FBN1: variants seen among roughly 807,000 people sequenced by gnomAD.
The protein encoded by FBN1 is fibrillin 1.
FBN1 carries 29 observed loss-of-function variants against 365.1 expected under a neutral mutation model. The ratio of observed to expected loss-of-function variants is 0.08; its 90% CI spans 0.06 to 0.11. FBN1 has a LOEUF of 0.11. FBN1 is among the 10% of genes least tolerant of loss of function. The probability of loss-of-function intolerance (pLI) is 1.00; values close to 1 mark genes in which losing one functional copy is unlikely to be tolerated. For missense variants in FBN1, 2,476 were observed against 3,703.2 expected (o/e 0.67, Z 8.60); for synonymous variants, 1,210 against 1,270.5 (o/e 0.95, Z 1.01).
Position 48,463,999 on chromosome 15 carries a change from A to G in FBN1, c.4965T>C (p.Pro1655=), listed in dbSNP as rs765267841. 1 of 1,613,988 alleles carries G rather than the reference A, an allele frequency of 6.2e-7. No individual in the cohort carries two copies. The highest frequency in any genetic ancestry group is 1.1e-5 in the South Asian group (1 of 91,086). ...VCDDVNECET[P]GICGPGTCYN... is the part of the protein sequence containing the mutation. ...AACATGTCCCTGGACCACAGATTCC[A>G]GGAGTCTCACATTCATTCACATCTA... Residue 1655 remains proline (P), a synonymous_variant, in exon 41 of 66, where the codon CCT becomes CCC. Coordinates refer to ENST00000316623, the MANE Select transcript of FBN1 (RefSeq NM_000138.5).
intron 42 of FBN1, among the ~76,000 whole-genome samples, chr15:48,461,171 C>T (rs781517378): frequency 1.7e-4 from 26 of 152,186 alleles, no homozygotes; most frequent in African/African-American, 5.1e-4. Flanking sequence ...AACACTGTAA[C>T]GCCAGCTGAC....
chr15:48,472,788 C>G, intron 34 of FBN1, 112 bp from the exon 35 acceptor site: 2 of 1,384,612 alleles, frequency 1.4e-6, no homozygotes, highest in Non-Finnish European at 2.0e-6. Flanking sequence ...CAATTTGACA[C>G]ATTTAAAGTC....
chr15:48,434,488 T>G, intron 54 of FBN1, 106 bp downstream of exon 54: 2 of 1,445,232 alleles, frequency 1.4e-6, no homozygotes, highest in Non-Finnish European at 1.9e-6. Flanking sequence ...CTAGATGATC[T>G]TTATTATATA....
intron 3 of FBN1, among the ~76,000 whole-genome samples, chr15:48,611,323 C>T (rs892858297): frequency 1.3e-5 from 2 of 152,126 alleles, no homozygotes; most frequent in Admixed American, 6.6e-5. Context: ...TGCAGTGGCG[C>T]AATCTCTGCT....
chr15:48,528,130 G>C (rs533896247), intron 8 of FBN1, among the ~76,000 whole-genome samples: 14 of 152,324 alleles, frequency 9.2e-5, no homozygotes, highest in African/African-American at 3.1e-4. Context: ...CGCATGAGGA[G>C]ACAATGTGGT....
In FBN1 at chr15:48,570,754, T is replaced by G. The variant is rs367814512; in HGVS notation, c.538+25529A>C. On this transcript the variant is annotated intron_variant, in intron 6 of 65. Coordinates refer to ENST00000316623, the MANE Select transcript of FBN1 (RefSeq NM_000138.5). ...ATTGCTCTTATTTATTCTGCAGTCATGGAGCTAAAAAAGAAAGCCTTTCAG... is the reference window on the plus strand; with the variant it reads ...ATTGCTCTTATTTATTCTGCAGTCAGGGAGCTAAAAAAGAAAGCCTTTCAG... Among the ~76,000 whole-genome samples, 24 of 152,302 alleles carry G rather than the reference T, an allele frequency of 1.6e-4. No individual in the cohort carries two copies. In the East Asian group the frequency reaches 4.2e-3, roughly 27 times the overall value.
chr15:48,484,937 A>G (rs1480559530), intron 30 of FBN1, among the ~76,000 whole-genome samples: 1 of 152,186 alleles, frequency 6.6e-6, no homozygotes, highest in Non-Finnish European at 1.5e-5. Context: ...GATTGTGAAA[A>G]CAAATTCCTG....
At position 48,516,372 on chromosome 15, in the gene FBN1, C is replaced by T; in HGVS notation, c.1148-10G>A. 1 of 1,613,106 alleles carries T rather than the reference C, an allele frequency of 6.2e-7. No individual in the cohort carries two copies. Among genetic ancestry groups the T allele is most frequent in the Non-Finnish European group, 8.5e-7 (1 of 1,179,640 alleles). On this transcript the variant is annotated splice_polypyrimidine_tract_variant and intron_variant, in intron 10 of 65. Transcript: ENST00000316623. ...AGCTTGTTGAAATCCTCTAGAAAAA[C>T]ACAACAAAACAAAACACAACAGCTG...
chr15:48,599,391 T>C (rs796867051), intron 5 of FBN1, among the ~76,000 whole-genome samples: 7 of 152,262 alleles, frequency 4.6e-5, no homozygotes, highest in African/African-American at 1.7e-4. Context: ...ACAAAAACTA[T>C]ATATACAGTA....
intron 8 of FBN1, among the ~76,000 whole-genome samples, chr15:48,532,506 ATG>A (rs528870539): frequency 5.3e-5 from 8 of 149,578 alleles, no homozygotes; most frequent in African/African-American, 9.8e-5. Flanking sequence ...ATATATGTGT[ATG>A]TGTGTGTGTG....
intron 62 of FBN1, 90 bp from the exon 63 acceptor site, chr15:48,420,896 T>A: frequency 7.0e-7 from 1 of 1,432,718 alleles, no homozygotes; most frequent in Non-Finnish European, 9.7e-7. Context: ...CCCCTACACA[T>A]CCTACACATT....
intron 38 of FBN1, among the ~76,000 whole-genome samples, chr15:48,467,668 G>C (rs1365601819): frequency 6.6e-6 from 1 of 152,220 alleles, no homozygotes; most frequent in Non-Finnish European, 1.5e-5. Context: ...GCAACATGGT[G>C]AAAGTACCCT....
intron 6 of FBN1, among the ~76,000 whole-genome samples, chr15:48,551,092 C>T (rs188645234): frequency 1.4e-4 from 21 of 152,214 alleles, no homozygotes; most frequent in Non-Finnish European, 2.6e-4. Flanking sequence ...CTTATAATTC[C>T]GTGAATCTAT....
At chr15:48,612,326 TG>T (rs1272287689) in intron 3 of FBN1, among the ~76,000 whole-genome samples, 4 of 152,212 alleles carry the variant, frequency 2.6e-5, no homozygotes, top group African/African-American at 9.7e-5. Context: ...ATTATACTAC[TG>T]GAGTTTTCTG....
chr15:48,585,540 T>C (rs371833939), intron 6 of FBN1, among the ~76,000 whole-genome samples: 2 of 152,352 alleles, frequency 1.3e-5, no homozygotes, highest in African/African-American at 4.8e-5. Flanking sequence ...ATTAAACAGA[T>C]GTATTTAACA....
chr15:48,582,031 G>A (rs1461494795), intron 6 of FBN1, among the ~76,000 whole-genome samples: 1 of 152,198 alleles, frequency 6.6e-6, no homozygotes, highest in African/African-American at 2.4e-5. Context: ...CATAAATGTG[G>A]CATCTCTGAG....
chr15:48,506,942 T>C (rs1261998088), intron 15 of FBN1, among the ~76,000 whole-genome samples: 1 of 151,772 alleles, frequency 6.6e-6, no homozygotes, highest in Non-Finnish European at 1.5e-5. Flanking sequence ...CTCTCTCAGA[T>C]CCTTAAGCCA....
chr15:48,417,172 G>GT (rs140476293), intron 63 of FBN1, among the ~76,000 whole-genome samples: 9,138 of 152,192 alleles, frequency 0.06, 318 homozygotes, highest in East Asian at 0.16. Context: ...CCTTTCTCCT[G>GT]TAATTAGTTT....
chr15:48,527,428 T>C (rs2043923921), intron 8 of FBN1, among the ~76,000 whole-genome samples: 1 of 152,246 alleles, frequency 6.6e-6, no homozygotes, highest in African/African-American at 2.4e-5. Context: ...GGAATCTGCA[T>C]GGCCTCCTCT....
Sources: allele counts gnomAD v4.1 joint callset (sites outside exome capture counted in the v4.1 genomes callset), GRCh38; gene constraint gnomAD v4.1.1; transcripts MANE v1.5; gene names NCBI Gene and HGNC (gene_info 2026-07-23, HGNC 2026-07-21).